The following GIGYF2 variants were observed in gnomAD, a reference collection of about 807,000 sequenced individuals.
GIGYF2 encodes the protein GRB10 interacting GYF protein 2.
A neutral mutation model predicts 208.1 loss-of-function variants in GIGYF2; 25 were observed. That is an observed-to-expected ratio of 0.12 (90% CI 0.09 to 0.17). The LOEUF is 0.17. Among genes scored for constraint, GIGYF2 ranks in the 10% least tolerant of loss-of-function variants. GIGYF2 has a pLI of 1.00. For missense variants in GIGYF2, 1,302 were observed against 1,579.4 expected, an observed-to-expected ratio of 0.82 and a Z score of 2.98; for synonymous variants, 534 against 543.8, an observed-to-expected ratio of 0.98 and a Z score of 0.25.
intron 25 of GIGYF2, among the ~76,000 whole-genome samples, chr2:232,845,092 T>C (rs532008004): frequency 5.9e-5 from 9 of 152,364 alleles, no homozygotes; most frequent in African/African-American, 1.9e-4. Context: ...ATCCCAGCAC[T>C]ACCACTTATT....
In GIGYF2 at chr2:232,785,086, CTTCT is replaced by C. The variant is rs200560477; in HGVS notation, c.533-2061_533-2058del. On this transcript the variant is annotated intron_variant, in intron 8 of 28. Transcript: ENST00000373563. ...CCACGAGCCAAATAAACAACTTCTT[CTTCT>C]TTTTTTTTTTTTAATAAATTACCCA... Among the ~76,000 whole-genome samples, 79 of 150,668 alleles carry C rather than the reference CTTCT, an allele frequency of 5.2e-4. 1 individual carries two copies. Among genetic ancestry groups the C allele is most frequent in the African/African-American group, 1.6e-3 (65 of 41,118 alleles).
chr2:232,711,515 A>G (rs1047669764), intron 2 of GIGYF2, among the ~76,000 whole-genome samples: 3 of 151,520 alleles, frequency 2.0e-5, no homozygotes, highest in Non-Finnish European at 2.9e-5. Context: ...TATTTTTAAT[A>G]TGACATACCT....
At chr2:232,769,505 CAAAAAAAA>C (rs34912964) in intron 8 of GIGYF2, among the ~76,000 whole-genome samples, 3,083 of 66,540 alleles carry the variant, frequency 0.046, 126 homozygotes, top group African/African-American at 0.14. Context: ...GACTCCATCT[CAAAAAAAA>C]AAAAAAAAAA....
chr2:232,743,484 G>A (rs980001467), intron 3 of GIGYF2, among the ~76,000 whole-genome samples: 1 of 152,028 alleles, frequency 6.6e-6, no homozygotes, highest in Non-Finnish European at 1.5e-5. Context: ...GTCAATGGGG[G>A]TTTGTTGTAC....
chr2:232,801,889 T>G (rs902670669), intron 14 of GIGYF2, among the ~76,000 whole-genome samples: 1 of 152,230 alleles, frequency 6.6e-6, no homozygotes, highest in African/African-American at 2.4e-5. Flanking sequence ...GTAACAATGT[T>G]AAATCTTCCA....
At chr2:232,827,873 G>A (rs562710680) in intron 21 of GIGYF2, among the ~76,000 whole-genome samples, 28 of 152,036 alleles carry the variant, frequency 1.8e-4, no homozygotes, top group Non-Finnish European at 2.6e-4. Context: ...TTAGTATGTT[G>A]CATTCTTTAT....
At chr2:232,756,415 G>T in intron 6 of GIGYF2, 81 bp downstream of exon 6, 1 of 682,014 alleles carries the variant, frequency 1.5e-6, no homozygotes, top group Non-Finnish European at 2.5e-6. Flanking sequence ...TTTAATGCCT[G>T]ATTTAATAAA....
chr2:232,709,166 G>A (rs867820634), intron 2 of GIGYF2, among the ~76,000 whole-genome samples: 1 of 152,084 alleles, frequency 6.6e-6, no homozygotes, highest in African/African-American at 2.4e-5. Context: ...CTTTAGACAG[G>A]TTAGCCTTTT....
At chr2:232,852,525 G>A (rs954739511) in intron 28 of GIGYF2, among the ~76,000 whole-genome samples, 2 of 152,120 alleles carry the variant, frequency 1.3e-5, no homozygotes, top group African/African-American at 4.8e-5. Flanking sequence ...TCCAGCCTGT[G>A]CGACAGAGTG....
chr2:232,791,309 C>G lies in GIGYF2; in HGVS notation c.1145C>G (p.Thr382Ser). Residue 382 changes from threonine (T) to serine (S), a missense_variant, in exon 12 of 29, where the codon ACT (threonine) becomes AGT (serine). Around this residue, in one of 8 missense-constraint regions of GIGYF2, gnomAD observed 235 missense variants for 218.8 expected, o/e 1.07. Coordinates refer to ENST00000373563, the MANE Select transcript of GIGYF2 (RefSeq NM_001103146.3). Reference sequence around the variant, plus strand: ...TCATCATCATCTGCTAGACCAGGTACTCCTTCAGACCATCAGTCTCAGGAA... The same window carrying G: ...TCATCATCATCTGCTAGACCAGGTAGTCCTTCAGACCATCAGTCTCAGGAA... Reference protein sequence around the residue: ...QTSSSSARPGTPSDHQSQEAS... With the variant: ...QTSSSSARPGSPSDHQSQEAS... The G allele has an allele frequency of 6.2e-7, 1 of 1,614,054 alleles. No individual in the cohort carries two copies. Among genetic ancestry groups the G allele is most frequent in the South Asian group, 1.1e-5 (1 of 91,084 alleles).
At chr2:232,759,263 AT>A (rs1313982783) in intron 6 of GIGYF2, among the ~76,000 whole-genome samples, 1 of 152,106 alleles carries the variant, frequency 6.6e-6, no homozygotes, top group Non-Finnish European at 1.5e-5. Context: ...AAGATCCATC[AT>A]TTTTCTTTGG....
rs1460973756 is a variant in GIGYF2, at chr2:232,839,941, G to A, written c.2859G>A (p.Glu953=). 4 of 1,613,872 alleles carry A rather than the reference G, an allele frequency of 2.5e-6. No individual in the cohort carries two copies. Among genetic ancestry groups the A allele is most frequent in the African/African-American group, 2.7e-5 (2 of 74,896 alleles). ...CGTTGGCTGAAATCCAAAAACTAGA[G>A]GAAGAACGAGAACGGCAGCTTCGAG... ...TLSLAEIQKL[E]EERERQLREE... The change falls in exon 23 of 29, where the codon GAG becomes GAA. Residue 953 remains glutamate, a synonymous_variant. Transcript: ENST00000373563.
chr2:232,734,552 C>T (rs952090604), intron 2 of GIGYF2: 1 of 152,252 alleles, frequency 6.6e-6, no homozygotes, highest in African/African-American at 2.4e-5. Context: ...AAGCAGTAGG[C>T]TCGAGAGGCT....
chr2:232,836,312 A>AAATAAATATATATACTTATATATT (rs1559160612), intron 22 of GIGYF2, among the ~76,000 whole-genome samples: 1 of 23,370 alleles, frequency 4.3e-5, no homozygotes, highest in African/African-American at 1.4e-4. Flanking sequence ...ATATATATAT[A>AAATAAATATATATACTTATATATT]TATATATATA....
rs769692373 is a variant in GIGYF2 at position 232,815,547 on chromosome 2, AG to A, written c.2108-87del. On this transcript the variant is annotated intron_variant, in intron 18 of 28. Coordinates refer to ENST00000373563, the MANE Select transcript of GIGYF2 (RefSeq NM_001103146.3). ...TGTTTGGTGGAGCTCATTTAGGCAC[AG>A]GGAAGCAGCTTTTTTCATGATTCCT... 370 of 773,642 alleles carry A rather than the reference AG, an allele frequency of 4.8e-4. 1 individual carries two copies. The highest frequency in any genetic ancestry group is 6.5e-4 in the Non-Finnish European group (278 of 430,988). 47.9% of individuals were successfully genotyped at this position (773,642 alleles called of 1,614,324 possible). A position where few individuals can be genotyped will look rare whatever the true frequency, so the allele number is the denominator to read the frequency against.
chr2:232,789,530 T>C lies in GIGYF2; in HGVS notation c.713-1168T>C, dbSNP rs755726471. Reference sequence around the variant, plus strand: ...ATAGGAAGTAGTAAATAGTGTTTTGTTGTTTTTATATGAAGGGATGGGAGT... The same window carrying C: ...ATAGGAAGTAGTAAATAGTGTTTTGCTGTTTTTATATGAAGGGATGGGAGT... On this transcript the variant is annotated intron_variant, in intron 9 of 28. Transcript: ENST00000373563. Among the ~76,000 whole-genome samples, 14 of 152,344 alleles carry C rather than the reference T, an allele frequency of 9.2e-5. No individual in the cohort carries two copies. In the South Asian group the frequency reaches 1.4e-3, roughly 16 times the overall value.
At chr2:232,735,759 A>C in intron 3 of GIGYF2, 1 of 985,748 alleles carries the variant, frequency 1.0e-6, no homozygotes, top group Non-Finnish European at 1.2e-6. Flanking sequence ...TGAGTCTCTT[A>C]CAGATGTGTT....
chr2:232,721,717 T>C (rs6717048), intron 2 of GIGYF2, among the ~76,000 whole-genome samples: 99,781 of 152,068 alleles, frequency 0.66, 33,040 homozygotes, highest in South Asian at 0.79. Flanking sequence ...TTCATGCTGT[T>C]TGACAATGCA....
chr2:232,702,119 C>T (rs536615521), intron 1 of GIGYF2, among the ~76,000 whole-genome samples: 1 of 152,070 alleles, frequency 6.6e-6, no homozygotes, highest in Non-Finnish European at 1.5e-5. Context: ...TACACTCCAG[C>T]TGAGGGAACA....
Sources: gnomAD v4.1 joint callset for allele counts (sites outside exome capture counted in the v4.1 genomes callset) on GRCh38, gnomAD v4.1.1 for gene constraint, gnomAD v4.1.1 regional missense constraint, MANE v1.5 for transcripts, NCBI Gene and HGNC (gene_info 2026-07-23, HGNC 2026-07-21) for gene names.